XK: variants seen among roughly 807,000 people sequenced by gnomAD.
The protein encoded by XK is endoplasmic reticulum membrane adapter protein XK.
XK carries 2 observed loss-of-function variants against 14.0 expected under a neutral mutation model. The observed-to-expected ratio is 0.14, with a 90% CI of 0.06 to 0.45. The LOEUF (loss-of-function observed/expected upper bound fraction) is 0.45. Among genes scored for constraint, XK ranks in the 20% least tolerant of loss-of-function variants. The pLI is 0.98. For synonymous variants in XK, 149 were observed against 147.5 expected (o/e 1.01, Z -0.08); for missense variants, 235 against 341.5 (o/e 0.69, Z 2.46).
chrX:37,708,251 T>G (rs782636334), intron 2 of XK, among the ~76,000 whole-genome samples: 211 of 111,158 alleles, frequency 1.9e-3, no homozygotes, highest in African/African-American at 6.5e-3. Flanking sequence ...GCAAATGTTC[T>G]TATAAGGGAG....
chrX:37,726,711 C>G (rs782052075), intron 2 of XK, among the ~76,000 whole-genome samples: 1 of 111,952 alleles, frequency 8.9e-6, no homozygotes, highest in South Asian at 3.7e-4. Flanking sequence ...CTGGATAAAC[C>G]CATTACCCAT....
chrX:37,688,490 G>C lies in XK; in HGVS notation c.245+2284G>C, dbSNP rs375801511. Among the ~76,000 whole-genome samples, 6 of 111,920 alleles carry C rather than the reference G, an allele frequency of 5.4e-5. No individual in the cohort carries two copies. In the East Asian group the frequency reaches 1.4e-3, roughly 26 times the overall value. On this transcript the variant is annotated intron_variant, in intron 1 of 2. Coordinates refer to ENST00000378616, the MANE Select transcript of XK (RefSeq NM_021083.4). ...TAGATGGTTTGATATGTACTTACAT[G>C]CCTCAATTCATTGAATCCTCACCAT...
At chrX:37,696,523 G>T (rs1246734276) in intron 2 of XK, among the ~76,000 whole-genome samples, 2 of 112,370 alleles carry the variant, frequency 1.8e-5, no homozygotes, top group Non-Finnish European at 3.8e-5. Flanking sequence ...TGCAGGTCTT[G>T]ACTAACCCCA....
chrX:37,696,055 T>A (rs1927301371), intron 2 of XK, among the ~76,000 whole-genome samples: 1 of 112,069 alleles, frequency 8.9e-6, no homozygotes, highest in African/African-American at 3.2e-5. Flanking sequence ...TAGATCCAAT[T>A]TTTTTCCTCA....
At chrX:37,718,207 C>CA (rs1927802731) in intron 2 of XK, among the ~76,000 whole-genome samples, 1 of 111,276 alleles carries the variant, frequency 9.0e-6, no homozygotes, top group African/African-American at 3.3e-5. Context: ...TCAGAATCCC[C>CA]AAAAGACTCC....
chrX:37,694,020 A>G (rs999938419), intron 1 of XK, among the ~76,000 whole-genome samples: 2 of 112,153 alleles, frequency 1.8e-5, no homozygotes, highest in Non-Finnish European at 3.8e-5. Context: ...ACCACTTTCC[A>G]TTCTCTAAGA....
intron 1 of XK, among the ~76,000 whole-genome samples, chrX:37,688,409 T>A (rs1316222914): frequency 9.0e-6 from 1 of 110,829 alleles, no homozygotes; most frequent in Non-Finnish European, 1.9e-5. Flanking sequence ...ACAGATAATG[T>A]TTAAGTGGAG....
chrX:37,700,184 C>A (rs1377993674), intron 2 of XK, among the ~76,000 whole-genome samples: 1 of 111,361 alleles, frequency 9.0e-6, no homozygotes, highest in Non-Finnish European at 1.9e-5. Flanking sequence ...AGGCCCAGAA[C>A]AATTGCAGGG....
At chrX:37,692,241 TTTATTA>T (rs1205819061) in intron 1 of XK, among the ~76,000 whole-genome samples, 1 of 110,371 alleles carries the variant, frequency 9.1e-6, no homozygotes, top group African/African-American at 3.3e-5. Context: ...TTAATTTTCG[TTTATTA>T]TTATTATTAT....
chrX:37,694,726 C>T (rs1414602300), intron 2 of XK, among the ~76,000 whole-genome samples, 178 bp downstream of exon 2: 23 of 112,242 alleles, frequency 2.0e-4, no homozygotes, highest in African/African-American at 6.2e-4. Context: ...TATGACTCTG[C>T]ATTCTAGGCA....
At chrX:37,691,110 G>A (rs1032110466) in intron 1 of XK, among the ~76,000 whole-genome samples, 7 of 112,091 alleles carry the variant, frequency 6.2e-5, no homozygotes, top group African/African-American at 2.3e-4. Context: ...AAGAGGTTCC[G>A]CCTGAGCTTT....
chrX:37,711,426 G>A (rs1556446694), intron 2 of XK, among the ~76,000 whole-genome samples: 1 of 112,422 alleles, frequency 8.9e-6, no homozygotes, highest in Non-Finnish European at 1.9e-5. Context: ...TGAGAAGTGT[G>A]GGTAAGGTAA....
chrX:37,695,732 A>G (rs1927294611), intron 2 of XK, among the ~76,000 whole-genome samples: 1 of 112,307 alleles, frequency 8.9e-6, no homozygotes, highest in Admixed American at 9.4e-5. Flanking sequence ...GTCACAGGAT[A>G]CTTACATGTT....
intron 1 of XK, among the ~76,000 whole-genome samples, chrX:37,687,522 C>T (rs1556440560): frequency 9.1e-6 from 1 of 109,397 alleles, no homozygotes. Flanking sequence ...TCTTGAGTTC[C>T]AGTGATCCTC....
intron 2 of XK, among the ~76,000 whole-genome samples, chrX:37,726,586 A>G (rs1449000782): frequency 8.9e-6 from 1 of 112,012 alleles, no homozygotes; most frequent in Non-Finnish European, 1.9e-5. Context: ...GGTTGGCATC[A>G]TATATCTTAG....
intron 2 of XK, among the ~76,000 whole-genome samples, chrX:37,716,419 A>C (rs1556447835): frequency 8.9e-6 from 1 of 112,331 alleles, no homozygotes; most frequent in Non-Finnish European, 1.9e-5. Flanking sequence ...GGAAAAGTAC[A>C]CTGAGGATTA....
chrX:37,728,114 C>T lies in XK; in HGVS notation c.987C>T (p.Ala329=). ...VYYMIRFIEN[A]ILLLLWYLFK... Reference sequence around the variant, plus strand: ...ACATGATAAGATTCATCGAGAATGCCATCCTCCTCCTCCTGTGGTATCTTT... The same window carrying T: ...ACATGATAAGATTCATCGAGAATGCTATCCTCCTCCTCCTGTGGTATCTTT... Residue 329 remains alanine, a synonymous_variant, in exon 3 of 3, where the codon GCC becomes GCT. Transcript: ENST00000378616. The T allele has an allele frequency of 8.3e-7, 1 of 1,211,312 alleles. No homozygotes were observed. The highest frequency in any genetic ancestry group is 1.1e-6 in the Non-Finnish European group (1 of 895,323).
At chrX:37,697,313 G>A (rs1927322011) in intron 2 of XK, among the ~76,000 whole-genome samples, 1 of 112,300 alleles carries the variant, frequency 8.9e-6, no homozygotes, top group Non-Finnish European at 1.9e-5. Flanking sequence ...GAGAACATTG[G>A]ATTAGACTAG....
intron 2 of XK, among the ~76,000 whole-genome samples, chrX:37,719,732 G>A (rs1556448536): frequency 5.4e-5 from 6 of 110,802 alleles, no homozygotes; most frequent in African/African-American, 3.3e-5. Flanking sequence ...GTTATTTTAA[G>A]TCCATGTCAG....
Sources: gnomAD v4.1 joint callset for allele counts (sites outside exome capture counted in the v4.1 genomes callset) on GRCh38, gnomAD v4.1.1 for gene constraint, MANE v1.5 for transcripts, NCBI Gene and HGNC (gene_info 2026-07-23, HGNC 2026-07-21) for gene names.